GFOD1: variants seen among roughly 807,000 people sequenced by gnomAD.
GFOD1 encodes the protein glucose-fructose oxidoreductase domain-containing protein 1.
In GFOD1, 9 loss-of-function variants were observed where a neutral mutation model predicts 25.4. That is an observed-to-expected ratio of 0.35 (90% CI 0.21 to 0.62). The LOEUF (loss-of-function observed/expected upper bound fraction) is 0.62, where lower values mean the gene tolerates loss of function less well. Among genes scored for constraint, GFOD1 ranks in the 20% least tolerant of loss-of-function variants. GFOD1 has a pLI of 0.72. For synonymous variants in GFOD1, 253 were observed against 245.6 expected, an observed-to-expected ratio of 1.03 and a Z score of -0.28; for missense variants, 403 against 556.9, an observed-to-expected ratio of 0.72 and a Z score of 2.78.
In GFOD1 at chr6:13,401,162, G is replaced by C. The variant is rs112942488; in HGVS notation, c.254-35500C>G. ...TGTGAGGTGACAGACTTATTGCACT[G>C]GAATAATATGAATTTAAACCCTTAA... is the stretch of plus-strand genomic sequence containing the variant. On this transcript the variant is annotated intron_variant, in intron 1 of 1. Coordinates refer to ENST00000379287, the MANE Select transcript of GFOD1 (RefSeq NM_018988.4). Among the ~76,000 whole-genome samples, 421 of 152,248 alleles carry C rather than the reference G, an allele frequency of 2.8e-3. 2 individuals carry two copies. The highest frequency in any genetic ancestry group is 6.8e-3 in the Middle Eastern group (2 of 294).
At chr6:13,374,450 G>T (rs1193433201) in intron 1 of GFOD1, among the ~76,000 whole-genome samples, 6 of 151,626 alleles carry the variant, frequency 4.0e-5, no homozygotes, top group Non-Finnish European at 8.8e-5. Flanking sequence ...TTACAGGCAT[G>T]CACCTGTAAT....
In GFOD1 at chr6:13,362,934, G is replaced by T. The variant is rs1160614097; in HGVS notation, c.*1809C>A. 3.9e-5 allele frequency: 6 copies of T among 152,148 alleles called. No homozygotes were observed. The highest frequency in any genetic ancestry group is 1.3e-4 in the Admixed American group (2 of 15,270). The allele number at this position is 152,148 out of a possible 1,614,324, so 9.4% of individuals were successfully genotyped here. On this transcript the variant is annotated 3_prime_UTR_variant, in exon 2 of 2. Coordinates refer to ENST00000379287, the MANE Select transcript of GFOD1 (RefSeq NM_018988.4). Reference sequence around the variant, plus strand: ...TCTTAGATTCCCTTCTAGTTCCAATGGCAGCTATCTGAAAAGAACTCTAAA... The same window carrying T: ...TCTTAGATTCCCTTCTAGTTCCAATTGCAGCTATCTGAAAAGAACTCTAAA...
At chr6:13,482,068 G>A (rs1481406223) in intron 1 of GFOD1, among the ~76,000 whole-genome samples, 2 of 149,720 alleles carry the variant, frequency 1.3e-5, no homozygotes, top group Non-Finnish European at 1.5e-5. Flanking sequence ...ATATATTTGT[G>A]TATATGTAAA....
intron 1 of GFOD1, among the ~76,000 whole-genome samples, chr6:13,404,807 C>T (rs539055570): frequency 1.1e-4 from 16 of 152,328 alleles, no homozygotes; most frequent in African/African-American, 3.8e-4. Context: ...TGGGATCGGC[C>T]ATGTAAAATA....
chr6:13,467,899 C>A (rs1370625723), intron 1 of GFOD1, among the ~76,000 whole-genome samples: 1 of 152,132 alleles, frequency 6.6e-6, no homozygotes, highest in African/African-American at 2.4e-5. Context: ...AGAAGACTGC[C>A]TTTTTCCTTT....
intron 1 of GFOD1, among the ~76,000 whole-genome samples, chr6:13,445,915 A>C (rs1381794107): frequency 6.6e-6 from 1 of 152,218 alleles, no homozygotes; most frequent in South Asian, 2.1e-4. Flanking sequence ...CTTTTCATAG[A>C]GCATCACACC....
chr6:13,416,006 T>C (rs530048414), intron 1 of GFOD1, among the ~76,000 whole-genome samples: 17 of 152,298 alleles, frequency 1.1e-4, no homozygotes, highest in Admixed American at 3.9e-4. Flanking sequence ...AACTGTAATC[T>C]CCATGTGTCA....
At chr6:13,395,697 T>C (rs1785715019) in intron 1 of GFOD1, among the ~76,000 whole-genome samples, 1 of 152,226 alleles carries the variant, frequency 6.6e-6, no homozygotes, top group Non-Finnish European at 1.5e-5. Context: ...TTAGCCCTTT[T>C]CCACTTGAGA....
rs967144367 is a variant in GFOD1 at position 13,362,917 on chromosome 6, T to C, written c.*1826A>G. The C allele has an allele frequency of 6.6e-6, 1 of 152,184 alleles. No individual in the cohort carries two copies. The highest frequency in any genetic ancestry group is 1.5e-5 in the Non-Finnish European group (1 of 68,030). The allele number at this position is 152,184 out of a possible 1,614,324, so 9.4% of individuals were successfully genotyped here. On this transcript the variant is annotated 3_prime_UTR_variant, in exon 2 of 2. Transcript: ENST00000379287. ...GAGGTGGACTCCAGTCCTCTTAGAT[T>C]CCCTTCTAGTTCCAATGGCAGCTAT... is the stretch of plus-strand genomic sequence containing the variant.
chr6:13,405,085 T>A (rs186099665), intron 1 of GFOD1, among the ~76,000 whole-genome samples: 22 of 152,318 alleles, frequency 1.4e-4, no homozygotes, highest in Non-Finnish European at 1.5e-5. Flanking sequence ...TGCTAGGAAA[T>A]CTCTTTGTTG....
At chr6:13,477,624 A>G (rs941797137) in intron 1 of GFOD1, among the ~76,000 whole-genome samples, 7 of 152,080 alleles carry the variant, frequency 4.6e-5, no homozygotes, top group African/African-American at 9.7e-5. Context: ...TTCAAAATAT[A>G]TATGTCTTAA....
intron 1 of GFOD1, chr6:13,469,930 TC>T: frequency 7.7e-7 from 1 of 1,304,130 alleles, no homozygotes; most frequent in South Asian, 1.2e-5. Context: ...GTTTCTCTTC[TC>T]TTTCCAAAAG....
At chr6:13,447,544 C>T (rs764305266) in intron 1 of GFOD1, among the ~76,000 whole-genome samples, 1 of 151,652 alleles carries the variant, frequency 6.6e-6, no homozygotes, top group Non-Finnish European at 1.5e-5. Flanking sequence ...TTGAGACCAG[C>T]CTGGTCAACA....
At chr6:13,432,500 C>T (rs1757767221) in intron 1 of GFOD1, among the ~76,000 whole-genome samples, 2 of 152,008 alleles carry the variant, frequency 1.3e-5, no homozygotes, top group Non-Finnish European at 2.9e-5. Context: ...AGCTACCACG[C>T]CCAGCTTAAT....
At chr6:13,367,998 ACACT>A (rs1785079798) in intron 1 of GFOD1, among the ~76,000 whole-genome samples, 1 of 152,290 alleles carries the variant, frequency 6.6e-6, no homozygotes, top group East Asian at 1.9e-4. Context: ...CTGACTACAG[ACACT>A]CAATTGACAA....
chr6:13,392,436 A>T (rs1310518484), intron 1 of GFOD1, among the ~76,000 whole-genome samples: 1 of 152,114 alleles, frequency 6.6e-6, no homozygotes, highest in Non-Finnish European at 1.5e-5. Context: ...TCCACCAAAA[A>T]ATAAAAAGTT....
intron 1 of GFOD1, among the ~76,000 whole-genome samples, chr6:13,399,637 C>A (rs1245807489): frequency 6.6e-6 from 1 of 152,130 alleles, no homozygotes; most frequent in African/African-American, 2.4e-5. Flanking sequence ...CAAAAGGATG[C>A]AGACATTCTA....
intron 1 of GFOD1, among the ~76,000 whole-genome samples, chr6:13,477,111 C>A (rs955617151): frequency 6.6e-6 from 1 of 152,098 alleles, no homozygotes; most frequent in South Asian, 2.1e-4. Flanking sequence ...TCTCCACCGA[C>A]GCGTCTTCCA....
intron 1 of GFOD1, among the ~76,000 whole-genome samples, chr6:13,458,382 G>T (rs1366986011): frequency 1.3e-5 from 2 of 152,126 alleles, no homozygotes; most frequent in Non-Finnish European, 2.9e-5. Context: ...CTCCCAAAGT[G>T]CTGGGATTAA....
Sources: gnomAD v4.1 joint callset for allele counts (sites outside exome capture counted in the v4.1 genomes callset) on GRCh38, gnomAD v4.1.1 for gene constraint, MANE v1.5 for transcripts, NCBI Gene and HGNC (gene_info 2026-07-23, HGNC 2026-07-21) for gene names.